ANKRD36B: variants seen among roughly 807,000 people sequenced by gnomAD.
ANKRD36B encodes ankyrin repeat domain 36B.
In ANKRD36B, 37 loss-of-function variants were observed where a neutral mutation model predicts 135.7. The ratio of observed to expected loss-of-function variants is 0.27; its 90% confidence interval spans 0.21 to 0.36. The LOEUF (loss-of-function observed/expected upper bound fraction) is 0.36. Ranked by LOEUF, ANKRD36B falls within the 10% of genes least tolerant of loss-of-function variation. The pLI is 1.00. For missense variants in ANKRD36B, 549 were observed against 1,037.1 expected, an observed-to-expected ratio of 0.53 and a Z score of 6.46; for synonymous variants, 179 against 348.1, an observed-to-expected ratio of 0.51 and a Z score of 5.41.
chr2:97,584,518 C>T (rs1321198145), intron 3 of ANKRD36B, among the ~76,000 whole-genome samples: 15 of 152,060 alleles, frequency 9.9e-5, no homozygotes, highest in Non-Finnish European at 1.8e-4. Flanking sequence ...CACTTGTCAA[C>T]AGCAACAACA....
At chr2:97,527,699 G>T (rs2078297014) in intron 35 of ANKRD36B, among the ~76,000 whole-genome samples, 1 of 95,574 alleles carries the variant, frequency 1.0e-5, no homozygotes, top group South Asian at 2.4e-4. Flanking sequence ...AAAATAAAAG[G>T]ATGGAGGAAG....
chr2:97,529,176 C>T (rs1189850092), intron 35 of ANKRD36B, among the ~76,000 whole-genome samples: 2 of 94,796 alleles, frequency 2.1e-5, no homozygotes, highest in African/African-American at 6.3e-5. Flanking sequence ...CAAACCGAAT[C>T]CAGCAGCACA....
intron 6 of ANKRD36B, among the ~76,000 whole-genome samples, chr2:97,563,604 A>G (rs977986077): frequency 1.3e-5 from 2 of 151,964 alleles, no homozygotes; most frequent in African/African-American, 4.8e-5. Context: ...ACATTCATGA[A>G]GGGGAGCCAA....
At chr2:97,551,251 G>A in intron 18 of ANKRD36B, 38 bp downstream of exon 18, 7 of 1,537,642 alleles carry the variant, frequency 4.6e-6, no homozygotes, top group Non-Finnish European at 5.2e-6. Flanking sequence ...CTTCTTATCT[G>A]GACTGAACAT....
chr2:97,586,154 G>C (rs2082971665), intron 1 of ANKRD36B, among the ~76,000 whole-genome samples: 1 of 151,868 alleles, frequency 6.6e-6, no homozygotes, highest in Non-Finnish European at 1.5e-5. Flanking sequence ...TGTGGAAAAA[G>C]AAGGCAAAAA....
At chr2:97,585,693 G>A (rs2082929408) in intron 1 of ANKRD36B, among the ~76,000 whole-genome samples, 1 of 152,168 alleles carries the variant, frequency 6.6e-6, no homozygotes, top group African/African-American at 2.4e-5. Context: ...ATAGTAGCTA[G>A]CCCACAGAAC....
At chr2:97,536,409 T>C (rs752901936) in intron 33 of ANKRD36B, 37 bp from the exon 34 acceptor site, 2 of 882,242 alleles carry the variant, frequency 2.3e-6, no homozygotes. Context: ...TAGCACATGA[T>C]GTATATTGGT....
At chr2:97,500,838 A>AT (rs58512865) in intron 43 of ANKRD36B, among the ~76,000 whole-genome samples, 1 of 3,176 alleles carries the variant, frequency 3.1e-4, no homozygotes, top group Admixed American at 3.2e-3. Flanking sequence ...TTGAAGCAGA[A>AT]TTTTTTTTTT....
Position 97,529,130 on chromosome 2 carries a change from T to A in ANKRD36B, c.2265+3181A>T, listed in dbSNP as rs559041615. On this transcript the variant is annotated intron_variant, in intron 35 of 43. Coordinates refer to ENST00000359901, the MANE Select transcript of ANKRD36B (RefSeq NM_001393939.1). ...GAGAATTTTAGACCAATATCCTTAG[T>A]GAACATTGATGCAAAAATCCTCAAT... Among the ~76,000 whole-genome samples the A allele has an allele frequency of 4.7e-4, 45 of 96,202 alleles. 15 individuals are homozygous for A. The highest frequency in any genetic ancestry group is 1.3e-3 in the African/African-American group (42 of 32,010). 63.1% of individuals were successfully genotyped at this position (96,202 alleles called of 152,430 possible). A position where few individuals can be genotyped will look rare whatever the true frequency, so the allele number is the denominator to read the frequency against.
At chr2:97,516,192 TAAA>T (rs1159226772) in intron 36 of ANKRD36B, among the ~76,000 whole-genome samples, 2,090 of 33,548 alleles carry the variant, frequency 0.062, 31 homozygotes, top group African/African-American at 0.16. Flanking sequence ...ATAGGTCCTG[TAAA>T]AAAAAAAAAA....
Position 97,586,652 on chromosome 2 carries a change from C to T in ANKRD36B, c.162-1254G>A, listed in dbSNP as rs562516576. On this transcript the variant is annotated intron_variant, in intron 1 of 43. Coordinates refer to ENST00000359901, the MANE Select transcript of ANKRD36B (RefSeq NM_001393939.1). The stretch of plus-strand genomic sequence containing the variant: ...AAAAAAACTATAAATTAAAGCAGTG[C>T]TTTTGGAATAGTGATAATCACTTAT... 9.9e-5 allele frequency among the ~76,000 whole-genome samples: 15 copies of T among 152,218 alleles called. 1 individual carries two copies. In the East Asian group the frequency reaches 2.5e-3, roughly 25 times the overall value.
At position 97,578,935 on chromosome 2, in the gene ANKRD36B, T is replaced by C. The variant is rs764896573; in HGVS notation, c.666A>G (p.Glu222=). Residue 222 remains glutamate, a synonymous_variant, in exon 5 of 44, where the codon GAA becomes GAG. Transcript: ENST00000359901. The part of the protein sequence containing the change: ...FSRDVYGKLA[E]DYASEAENRV... Reference sequence around the variant, plus strand: ...TATTCTCAGCCTCACTGGCATAATCTTCTGCAAGCTTTCCATACACATCTC... The same window carrying C: ...TATTCTCAGCCTCACTGGCATAATCCTCTGCAAGCTTTCCATACACATCTC... 2.5e-6 allele frequency: 4 copies of C among 1,613,026 alleles called. No individual in the cohort carries two copies. In the Admixed American group the frequency reaches 6.7e-5, roughly 27 times the overall value.
intron 32 of ANKRD36B, among the ~76,000 whole-genome samples, chr2:97,537,806 T>C (rs2078965317): frequency 1.0e-5 from 1 of 96,976 alleles, no homozygotes; most frequent in South Asian, 2.3e-4. Flanking sequence ...AGCAGTACCA[T>C]CTGACATCTA....
At chr2:97,564,086 T>C (rs1175124769) in intron 6 of ANKRD36B, among the ~76,000 whole-genome samples, 1 of 151,908 alleles carries the variant, frequency 6.6e-6, no homozygotes, top group African/African-American at 2.4e-5. Flanking sequence ...AAAATCAAGT[T>C]CTACATGTTA....
intron 6 of ANKRD36B, among the ~76,000 whole-genome samples, chr2:97,570,597 C>T (rs1409626000): frequency 6.6e-6 from 1 of 152,102 alleles, no homozygotes; most frequent in Non-Finnish European, 1.5e-5. Context: ...TCTAGTCAGA[C>T]TCATACTGGT....
intron 6 of ANKRD36B, among the ~76,000 whole-genome samples, chr2:97,562,806 C>T (rs748854688): frequency 1.3e-5 from 2 of 152,042 alleles, no homozygotes; most frequent in Admixed American, 6.6e-5. Context: ...GTGTCAGACA[C>T]TTGACTAATG....
chr2:97,564,188 C>A (rs1368314536), intron 6 of ANKRD36B, among the ~76,000 whole-genome samples: 2 of 151,762 alleles, frequency 1.3e-5, no homozygotes, highest in African/African-American at 2.4e-5. Flanking sequence ...AATTCAAGTT[C>A]TTGGTTACAT....
chr2:97,581,745 T>C (rs1343296699), intron 3 of ANKRD36B, among the ~76,000 whole-genome samples: 1 of 152,194 alleles, frequency 6.6e-6, no homozygotes, highest in Non-Finnish European at 1.5e-5. Flanking sequence ...AATAATGACC[T>C]ATATGAATTA....
chr2:97,538,606 A>G (rs2079006328), intron 30 of ANKRD36B, among the ~76,000 whole-genome samples: 2 of 97,084 alleles, frequency 2.1e-5, no homozygotes, highest in Admixed American at 1.8e-4. Flanking sequence ...TGTGTGTATT[A>G]CTGAAATAAA....
Sources: gnomAD v4.1 joint callset for allele counts (sites outside exome capture counted in the v4.1 genomes callset) on GRCh38, gnomAD v4.1.1 for gene constraint, MANE v1.5 for transcripts, NCBI Gene and HGNC (gene_info 2026-07-23, HGNC 2026-07-21) for gene names.